The following PRKCE variants were observed in gnomAD, a reference collection of about 807,000 sequenced individuals.
The protein encoded by PRKCE is protein kinase C epsilon type.
PRKCE carries 16 observed loss-of-function variants against 85.4 expected under a neutral mutation model. The observed-to-expected ratio is 0.19, with a 90% confidence interval of 0.13 to 0.28. The LOEUF is 0.28. PRKCE is among the 10% of genes least tolerant of loss of function. The probability of loss-of-function intolerance (pLI) is 1.00; values close to 1 mark genes in which losing one functional copy is unlikely to be tolerated. For missense variants in PRKCE, 573 were observed against 975.2 expected (o/e 0.59, Z 5.49); for synonymous variants, 388 against 371.5 (o/e 1.04, Z -0.51).
At chr2:45,734,395 T>C (rs559792037) in intron 1 of PRKCE, among the ~76,000 whole-genome samples, 1 of 151,948 alleles carries the variant, frequency 6.6e-6, no homozygotes, top group East Asian at 1.9e-4. Flanking sequence ...AACTCTGAAA[T>C]TCAGTTCCAT....
chr2:45,803,778 CAG>C (rs1449084265), intron 1 of PRKCE, among the ~76,000 whole-genome samples: 3 of 152,156 alleles, frequency 2.0e-5, no homozygotes, highest in Admixed American at 6.5e-5. Flanking sequence ...GTTTTAATAA[CAG>C]AGTGCTTCCC....
intron 2 of PRKCE, among the ~76,000 whole-genome samples, chr2:45,910,465 C>T (rs1055286939): frequency 2.6e-5 from 4 of 152,252 alleles, no homozygotes; most frequent in Admixed American, 6.5e-5. Flanking sequence ...GTGAGTTGCA[C>T]GATAGAAAGG....
At chr2:45,877,905 C>G (rs1243394907) in intron 2 of PRKCE, among the ~76,000 whole-genome samples, 3 of 152,238 alleles carry the variant, frequency 2.0e-5, no homozygotes, top group East Asian at 1.9e-4. Flanking sequence ...TATCAAAGAA[C>G]AGGAACTTCA....
At chr2:45,949,813 G>A (rs113218572) in intron 2 of PRKCE, among the ~76,000 whole-genome samples, 3 of 150,520 alleles carry the variant, frequency 2.0e-5, no homozygotes, top group South Asian at 2.1e-4. Flanking sequence ...GGTCTGTCCC[G>A]CTGATACACC....
intron 10 of PRKCE, among the ~76,000 whole-genome samples, chr2:46,034,036 C>T (rs1456386343): frequency 6.6e-6 from 1 of 152,174 alleles, no homozygotes; most frequent in African/African-American, 2.4e-5. Context: ...GCAGATGGCC[C>T]CAGCCCACTG....
chr2:46,120,160 C>T (rs1387382904), intron 11 of PRKCE, among the ~76,000 whole-genome samples: 2 of 152,238 alleles, frequency 1.3e-5, no homozygotes, highest in Non-Finnish European at 2.9e-5. Context: ...AGGAAACGCA[C>T]TGACCTCATG....
At chr2:46,022,241 T>C (rs906575915) in intron 10 of PRKCE, among the ~76,000 whole-genome samples, 5 of 152,180 alleles carry the variant, frequency 3.3e-5, no homozygotes, top group Non-Finnish European at 7.3e-5. Context: ...ACTTTTCTCA[T>C]TCATAATAAA....
At chr2:45,734,913 C>A (rs566415071) in intron 1 of PRKCE, among the ~76,000 whole-genome samples, 68 of 152,394 alleles carry the variant, frequency 4.5e-4, no homozygotes, top group African/African-American at 1.6e-3. Flanking sequence ...AGTCCATCCT[C>A]GCTGTAGAGC....
At chr2:45,844,090 T>C (rs1691582649) in intron 2 of PRKCE, among the ~76,000 whole-genome samples, 1 of 152,232 alleles carries the variant, frequency 6.6e-6, no homozygotes, top group Non-Finnish European at 1.5e-5. Context: ...GGCTCAGTGA[T>C]AGAAGGAAGG....
At chr2:46,023,534 G>T (rs563855813) in intron 10 of PRKCE, among the ~76,000 whole-genome samples, 18 of 152,320 alleles carry the variant, frequency 1.2e-4, no homozygotes, top group African/African-American at 4.1e-4. Context: ...TTAATGTGAG[G>T]ATAACATCTT....
chr2:46,151,010 T>C (rs1403024447), intron 12 of PRKCE, 31 bp from the exon 13 acceptor site: 15 of 1,576,540 alleles, frequency 9.5e-6, no homozygotes, highest in Non-Finnish European at 1.2e-5. Flanking sequence ...GAGCCTTTGA[T>C]GGTGCCTGAC....
chr2:45,885,900 A>G (rs182391191), intron 2 of PRKCE, among the ~76,000 whole-genome samples: 1 of 152,352 alleles, frequency 6.6e-6, no homozygotes, highest in Admixed American at 6.5e-5. Context: ...CCTCGGAGAA[A>G]TCCCATGGAG....
At chr2:45,949,748 C>T (rs535816625) in intron 2 of PRKCE, among the ~76,000 whole-genome samples, 4 of 152,166 alleles carry the variant, frequency 2.6e-5, no homozygotes, top group South Asian at 2.1e-4. Flanking sequence ...TCATATTTAT[C>T]GGTCCATGTT....
At chr2:46,071,928 A>T (rs1249602876) in intron 10 of PRKCE, among the ~76,000 whole-genome samples, 2 of 152,190 alleles carry the variant, frequency 1.3e-5, no homozygotes, top group African/African-American at 4.8e-5. Context: ...CTTAATGCGG[A>T]CTACAGGGTG....
chr2:45,752,396 G>A (rs1683645837), intron 1 of PRKCE, among the ~76,000 whole-genome samples: 1 of 152,122 alleles, frequency 6.6e-6, no homozygotes, highest in African/African-American at 2.4e-5. Flanking sequence ...GTGCTGAACT[G>A]CTTGCCTTCC....
At chr2:45,749,038 C>T (rs981433927) in intron 1 of PRKCE, among the ~76,000 whole-genome samples, 1 of 152,106 alleles carries the variant, frequency 6.6e-6, no homozygotes, top group South Asian at 2.1e-4. Context: ...TATAGGCATG[C>T]ACCACCATGC....
intron 2 of PRKCE, among the ~76,000 whole-genome samples, chr2:45,936,423 C>T (rs1699460153): frequency 1.3e-5 from 2 of 152,224 alleles, no homozygotes; most frequent in East Asian, 1.9e-4. Context: ...GGACAATCTG[C>T]CTAAGTCACT....
chr2:46,119,968 G>A (rs1673154502), intron 11 of PRKCE, among the ~76,000 whole-genome samples: 1 of 152,118 alleles, frequency 6.6e-6, no homozygotes, highest in African/African-American at 2.4e-5. Flanking sequence ...CTGGGAGTTT[G>A]TAGCTGGGAG....
chr2:45,794,848 C>CA (rs964401907), intron 1 of PRKCE, among the ~76,000 whole-genome samples: 11 of 144,124 alleles, frequency 7.6e-5, no homozygotes, highest in African/African-American at 8.1e-5. Flanking sequence ...TTGCCCTACC[C>CA]CCCCCCCCAT....
Sources: gnomAD v4.1 joint callset for allele counts (sites outside exome capture counted in the v4.1 genomes callset) on GRCh38, gnomAD v4.1.1 for gene constraint, MANE v1.5 for transcripts, NCBI Gene and HGNC (gene_info 2026-07-23, HGNC 2026-07-21) for gene names.